Variants in TTC23L observed in about 807,000 individuals in gnomAD.
TTC23L encodes tetratricopeptide repeat protein 23-like.
TTC23L carries 42 observed loss-of-function variants against 48.1 expected under a neutral mutation model. That is an observed-to-expected ratio of 0.87 (90% CI 0.68 to 1.13). The LOEUF (loss-of-function observed/expected upper bound fraction) is 1.13, where lower values mean the gene tolerates loss of function less well. Ranked by LOEUF, TTC23L falls within the 50% of genes most tolerant of loss-of-function variation. TTC23L has a pLI of 0.00. For synonymous variants in TTC23L, 159 were observed against 157.2 expected, an observed-to-expected ratio of 1.01 and a Z score of -0.09; for missense variants, 391 against 421.0, an observed-to-expected ratio of 0.93 and a Z score of 0.62.
the TTC23L span, chr5:34,911,840 C>G: frequency 6.2e-7 from 1 of 1,610,676 alleles, no homozygotes; most frequent in East Asian, 2.2e-5. Flanking sequence ...CATACTTGGC[C>G]TTAGCTTTAT....
At chr5:34,847,358 G>C (rs1482752918) in intron 3 of TTC23L, among the ~76,000 whole-genome samples, 1 of 152,138 alleles carries the variant, frequency 6.6e-6, no homozygotes, top group East Asian at 1.9e-4. Flanking sequence ...TCCTTGGCCA[G>C]ATTGGATAAT....
the TTC23L span, chr5:34,915,593 C>T: frequency 7.5e-6 from 8 of 1,072,114 alleles, no homozygotes; most frequent in Non-Finnish European, 1.0e-5. Flanking sequence ...CCGCGCGTGC[C>T]GCGCCACCGA....
intron 10 of TTC23L, among the ~76,000 whole-genome samples, chr5:34,897,849 C>G (rs143275036): frequency 1.3e-5 from 2 of 152,152 alleles, no homozygotes; most frequent in Non-Finnish European, 2.9e-5. Flanking sequence ...CACTTTAGGA[C>G]ATAAAGTCTT....
chr5:34,865,784 T>C (rs1018446100), intron 6 of TTC23L, among the ~76,000 whole-genome samples: 3 of 152,168 alleles, frequency 2.0e-5, no homozygotes, highest in Admixed American at 2.0e-4. Context: ...ACTGAAACCT[T>C]GAACTCCTGG....
chr5:34,850,133 G>C, intron 3 of TTC23L, 52 bp from the exon 4 acceptor site: 1 of 1,603,740 alleles, frequency 6.2e-7, no homozygotes, highest in Non-Finnish European at 8.5e-7. Flanking sequence ...AGTCCATGGG[G>C]TAGAGACTTC....
the TTC23L span, among the ~76,000 whole-genome samples, chr5:34,923,535 C>T: frequency 2.0e-5 from 3 of 152,312 alleles, no homozygotes; most frequent in South Asian, 6.2e-4. Flanking sequence ...GCCTTGGCCT[C>T]CCAAAGTGCT....
chr5:34,845,715 A>G (rs1759059251), intron 3 of TTC23L, 42 bp downstream of exon 3: 1 of 1,561,956 alleles, frequency 6.4e-7, no homozygotes, highest in African/African-American at 1.4e-5. Context: ...CCATTTAAAA[A>G]TATGTTCCTG....
At chr5:34,839,738 A>G (rs769797297) in intron 1 of TTC23L, 116 of 789,336 alleles carry the variant, frequency 1.5e-4, no homozygotes, top group Non-Finnish European at 1.6e-4. Context: ...TTAACATTCA[A>G]TAAGTAACTG....
chr5:34,853,414 C>G (rs979249903), intron 4 of TTC23L, among the ~76,000 whole-genome samples: 1 of 152,098 alleles, frequency 6.6e-6, no homozygotes, highest in African/African-American at 2.4e-5. Context: ...GCCTGTAATC[C>G]TAGCTACTCG....
the TTC23L span, chr5:34,924,886 C>T: frequency 5.0e-6 from 8 of 1,606,336 alleles, no homozygotes; most frequent in Non-Finnish European, 6.8e-6. Flanking sequence ...AATAGGACCT[C>T]GTTTTGTCTT....
Position 34,863,196 on chromosome 5 carries a change from C to T in TTC23L, c.536+142C>T. On this transcript the variant is annotated intron_variant, in intron 5 of 10. Transcript: ENST00000505624. The surrounding 1 kb of genome is among the most constrained non-coding windows in gnomAD (Gnocchi z 4.1). ...ACATCAAGGCCCTCCATGAGCCTCTCCTCTCCATCTAGAAGGGTGTGTATT... is the reference window on the plus strand; with the variant it reads ...ACATCAAGGCCCTCCATGAGCCTCTTCTCTCCATCTAGAAGGGTGTGTATT... 1 of 974,146 alleles carries T rather than the reference C, an allele frequency of 1.0e-6. No individual in the cohort carries two copies. Among genetic ancestry groups the T allele is most frequent in the South Asian group, 1.7e-5 (1 of 60,142 alleles). The allele number at this position is 974,146 out of a possible 1,614,324, so 60.3% of individuals were successfully genotyped here.
chr5:34,880,217 C>A, exon 9 of TTC23L: 2 of 1,612,720 alleles, frequency 1.2e-6, no homozygotes, highest in Non-Finnish European at 1.7e-6. Flanking sequence ...AGTATCAATG[C>A]ATATCGAGCA....
intron 9 of TTC23L, among the ~76,000 whole-genome samples, chr5:34,882,618 T>TACACACAC (rs146120966): frequency 0.023 from 3,261 of 140,914 alleles, 52 homozygotes; most frequent in Admixed American, 0.044. Context: ...TCCCATGGAC[T>TACACACAC]ACACACACAC....
chr5:34,846,661 GTGTGTA>G (rs1212274167), intron 3 of TTC23L, among the ~76,000 whole-genome samples: 1,189 of 70,818 alleles, frequency 0.017, 25 homozygotes, highest in African/African-American at 0.044. Flanking sequence ...ATACATATAT[GTGTGTA>G]TGTGTGTGTG....
At chr5:34,857,375 G>C (rs1760216668) in intron 4 of TTC23L, among the ~76,000 whole-genome samples, 1 of 152,182 alleles carries the variant, frequency 6.6e-6, no homozygotes, top group East Asian at 1.9e-4. Context: ...CTGGGGCTCT[G>C]TTACAAATGT....
chr5:34,878,418 A>T (rs1762004479), intron 8 of TTC23L, among the ~76,000 whole-genome samples: 1 of 152,238 alleles, frequency 6.6e-6, no homozygotes, highest in African/African-American at 2.4e-5. Context: ...AAGAAGACTC[A>T]ATAAAAAAAT....
intron 8 of TTC23L, among the ~76,000 whole-genome samples, chr5:34,872,892 G>A (rs1156686379): frequency 1.3e-5 from 2 of 151,926 alleles, no homozygotes; most frequent in Non-Finnish European, 2.9e-5. Context: ...GTGAAACCGC[G>A]TTTCTACTAA....
At chr5:34,880,696 T>TG (rs1762170757) in intron 9 of TTC23L, 1 of 383,230 alleles carries the variant, frequency 2.6e-6, no homozygotes, top group Non-Finnish European at 5.0e-6. Flanking sequence ...TGTAGTGCAG[T>TG]GGGGCGATCT....
chr5:34,839,513 C>T (rs1758414200), intron 1 of TTC23L: 1 of 486,832 alleles, frequency 2.1e-6, no homozygotes. Flanking sequence ...CAGGGCCGTG[C>T]GGAACGTCAT....
Sources: gnomAD v4.1 joint callset for allele counts (sites outside exome capture counted in the v4.1 genomes callset) on GRCh38, gnomAD v4.1.1 for gene constraint, Gnocchi (gnomAD v3.1) non-coding constraint, MANE v1.5 for transcripts, NCBI Gene and HGNC (gene_info 2026-07-23, HGNC 2026-07-21) for gene names.